Variants in KCNMA1 observed in about 807,000 individuals in gnomAD.
KCNMA1 encodes Calcium-activated potassium channel subunit alpha-1.
A neutral mutation model predicts 140.0 loss-of-function variants in KCNMA1; 29 were observed. The observed-to-expected ratio is 0.21, with a 90% CI of 0.15 to 0.28. The LOEUF (loss-of-function observed/expected upper bound fraction) is 0.28, where lower values mean the gene tolerates loss of function less well. Among genes scored for constraint, KCNMA1 ranks in the 10% least tolerant of loss-of-function variants. The pLI, the probability that KCNMA1 is intolerant of heterozygous loss-of-function variation, is 1.00. For synonymous variants in KCNMA1, 612 were observed against 611.9 expected (o/e 1.00, Z 0.00); for missense variants, 880 against 1,602.2 (o/e 0.55, Z 7.70).
chr10:77,204,372 G>T (rs2043401543), intron 3 of KCNMA1, among the ~76,000 whole-genome samples: 1 of 152,154 alleles, frequency 6.6e-6, no homozygotes, highest in Non-Finnish European at 1.5e-5. Flanking sequence ...CTATGGGATA[G>T]TTAAAATTCC....
chr10:77,576,803 TAC>T (rs1297994439), intron 1 of KCNMA1, among the ~76,000 whole-genome samples: 2 of 152,182 alleles, frequency 1.3e-5, no homozygotes, highest in Non-Finnish European at 2.9e-5. Flanking sequence ...CCTAGAGAGC[TAC>T]AGGATATCAA....
At chr10:77,282,196 C>G (rs2068861997) in intron 2 of KCNMA1, among the ~76,000 whole-genome samples, 2 of 152,118 alleles carry the variant, frequency 1.3e-5, no homozygotes, top group African/African-American at 2.4e-5. Flanking sequence ...ATGTTTTACC[C>G]AACAGGATGG....
chr10:77,406,287 G>A (rs1454873806), intron 1 of KCNMA1, among the ~76,000 whole-genome samples: 1 of 118,700 alleles, frequency 8.4e-6, no homozygotes, highest in African/African-American at 3.2e-5. Flanking sequence ...TAGATTCGGG[G>A]GAAAATCCAG....
intron 1 of KCNMA1, among the ~76,000 whole-genome samples, chr10:77,446,158 C>T (rs1446240395): frequency 2.0e-5 from 3 of 152,170 alleles, no homozygotes; most frequent in African/African-American, 7.2e-5. Flanking sequence ...AACTTCTGTT[C>T]GGTGTCCCAC....
intron 20 of KCNMA1, among the ~76,000 whole-genome samples, chr10:76,962,048 G>A (rs1473287094): frequency 6.6e-6 from 1 of 152,182 alleles, no homozygotes; most frequent in Admixed American, 6.5e-5. Context: ...TAAATGCCCT[G>A]CTACAACAGG....
chr10:77,026,173 A>G (rs2093439425), intron 16 of KCNMA1, among the ~76,000 whole-genome samples: 2 of 152,120 alleles, frequency 1.3e-5, no homozygotes, highest in Non-Finnish European at 2.9e-5. Flanking sequence ...AACCATTAAC[A>G]GCCTTTCGCT....
chr10:77,384,202 G>A (rs2095525683), intron 2 of KCNMA1, among the ~76,000 whole-genome samples: 1 of 152,228 alleles, frequency 6.6e-6, no homozygotes, highest in South Asian at 2.1e-4. Flanking sequence ...CCATCACCCA[G>A]CTGTGATTTC....
chr10:77,229,949 A>G (rs78485258), intron 3 of KCNMA1, among the ~76,000 whole-genome samples: 4,026 of 152,288 alleles, frequency 0.026, 188 homozygotes, highest in African/African-American at 0.092. Context: ...TCCTATGCAT[A>G]TAAGAATTGA....
chr10:77,392,972 C>T (rs1226600873), intron 2 of KCNMA1, among the ~76,000 whole-genome samples: 1 of 152,204 alleles, frequency 6.6e-6, no homozygotes, highest in Non-Finnish European at 1.5e-5. Context: ...GTGACACATG[C>T]GCCCACAACG....
At chr10:77,089,636 A>G (rs1396858987) in intron 10 of KCNMA1, among the ~76,000 whole-genome samples, 2 of 152,210 alleles carry the variant, frequency 1.3e-5, no homozygotes, top group South Asian at 4.1e-4. Context: ...TCAGGCTGAT[A>G]GCTAACACTT....
chr10:77,082,794 A>T (rs2096609727), intron 12 of KCNMA1, among the ~76,000 whole-genome samples: 1 of 152,120 alleles, frequency 6.6e-6, no homozygotes, highest in South Asian at 2.1e-4. Context: ...TCACGCATCC[A>T]CTTCCTTAAA....
chr10:77,480,006 C>T (rs1259544918), intron 1 of KCNMA1, among the ~76,000 whole-genome samples: 4 of 152,114 alleles, frequency 2.6e-5, no homozygotes, highest in African/African-American at 7.2e-5. Flanking sequence ...ACCTGCTCAT[C>T]GATTATTGGA....
At chr10:77,307,102 A>G (rs1481901994) in intron 2 of KCNMA1, among the ~76,000 whole-genome samples, 1 of 152,154 alleles carries the variant, frequency 6.6e-6, no homozygotes, top group East Asian at 1.9e-4. Flanking sequence ...AATTTAACCC[A>G]AGCTCTACTA....
intron 1 of KCNMA1, among the ~76,000 whole-genome samples, chr10:77,491,765 C>A (rs986596196): frequency 6.0e-5 from 9 of 151,220 alleles, no homozygotes; most frequent in Admixed American, 2.0e-4. Context: ...CCTACATATA[C>A]CACCAGGGAG....
intron 3 of KCNMA1, among the ~76,000 whole-genome samples, chr10:77,186,159 G>T (rs1038559973): frequency 3.9e-5 from 6 of 152,092 alleles, no homozygotes; most frequent in Non-Finnish European, 7.4e-5. Context: ...CCACTTAGAG[G>T]CAGGGTAAGT....
rs148605986 is a variant in KCNMA1, at chr10:77,356,068, A to G, written c.540+47794T>C. Among the ~76,000 whole-genome samples the G allele has an allele frequency of 1.7e-3, 255 of 152,330 alleles. 2 individuals carry two copies. The highest frequency in any genetic ancestry group is 6.0e-3 in the African/African-American group (248 of 41,566). On this transcript the variant is annotated intron_variant, in intron 2 of 27. Coordinates refer to ENST00000286628, the MANE Select transcript of KCNMA1 (RefSeq NM_001161352.2). ...CCTTCTGTTTTACTTCCATAGAGGC[A>G]TATTACTCATTCTTTTATGTAACTA...
At chr10:77,186,302 C>T (rs1250019272) in intron 3 of KCNMA1, among the ~76,000 whole-genome samples, 5 of 147,520 alleles carry the variant, frequency 3.4e-5, no homozygotes. Context: ...TTAAGAGTAA[C>T]CTTTATTTGC....
intron 2 of KCNMA1, among the ~76,000 whole-genome samples, chr10:77,387,555 C>CTTTTCTTT: frequency 1.1e-5 from 1 of 90,668 alleles, no homozygotes; most frequent in Non-Finnish European, 2.2e-5. Flanking sequence ...CTTTTCTTTT[C>CTTTTCTTT]TTTTTCTTTT....
chr10:77,445,702 G>T (rs1325414112), intron 1 of KCNMA1, among the ~76,000 whole-genome samples: 1 of 152,152 alleles, frequency 6.6e-6, no homozygotes, highest in Non-Finnish European at 1.5e-5. Flanking sequence ...CTTCTCGAAT[G>T]CTGATATGGA....
Sources: allele counts gnomAD v4.1 joint callset (sites outside exome capture counted in the v4.1 genomes callset), GRCh38; gene constraint gnomAD v4.1.1; transcripts MANE v1.5; gene names NCBI Gene and HGNC (gene_info 2026-07-23, HGNC 2026-07-21).